Variants in C16orf95 observed in about 807,000 individuals in gnomAD.
C16orf95 encodes uncharacterized protein C16orf95.
C16orf95 carries 41 observed loss-of-function variants against 32.1 expected under a neutral mutation model. The observed-to-expected ratio is 1.28, with a 90% confidence interval of 1.00 to 1.66. C16orf95 has a LOEUF of 1.66. Ranked by LOEUF, C16orf95 falls within the 40% of genes most tolerant of loss-of-function variation. The pLI is 0.00. For synonymous variants in C16orf95, 147 were observed against 128.9 expected, an observed-to-expected ratio of 1.14 and a Z score of -0.95; for missense variants, 399 against 325.9, an observed-to-expected ratio of 1.22 and a Z score of -1.73.
chr16:87,317,358 G>GC lies in C16orf95; in HGVS notation c.-117dup. 7.1e-7 allele frequency: 1 copy of GC among 1,414,206 alleles called. No individual in the cohort carries two copies. Among genetic ancestry groups the GC allele is most frequent in the East Asian group, 2.7e-5 (1 of 36,626 alleles). 87.6% of individuals were successfully genotyped at this position (1,414,206 alleles called of 1,614,324 possible). ...GGAACCCAACCCGAGCTCAACCCCA[G>GC]CCCCAACCTCAACCGCTCAGAGGAG... On this transcript the variant is annotated 5_prime_UTR_variant, in exon 1 of 7. Transcript: ENST00000567970.
chr16:87,310,246 C>T lies in C16orf95; in HGVS notation c.514+51G>A. ...CCCACCATCATGATGCTCACGAACC[C>T]CACCTTTCTGGGGAGGGGGATGATA... On this transcript the variant is annotated intron_variant, in intron 5 of 6. Transcript: ENST00000567970. 6 of 1,528,356 alleles carry T rather than the reference C, an allele frequency of 3.9e-6. No homozygotes were observed. The South Asian group carries it at 7.2e-5, about 18-fold the overall frequency. 94.7% of individuals were successfully genotyped at this position (1,528,356 alleles called of 1,614,324 possible).
chr16:87,304,866 G>GA (rs1172969029), intron 6 of C16orf95, among the ~76,000 whole-genome samples: 1 of 152,260 alleles, frequency 6.6e-6, no homozygotes, highest in African/African-American at 2.4e-5. Flanking sequence ...GCTACCTGCA[G>GA]ACGCTGCACA....
chr16:87,305,141 G>A lies in C16orf95; in HGVS notation c.701+578C>T, dbSNP rs1910954954. Reference sequence around the variant, plus strand: ...TCCCCGAAGCCCAGCTGTGGCCCGGGGAGTGGCCCCGGAGGCTTCCTGGGG... The same window carrying A: ...TCCCCGAAGCCCAGCTGTGGCCCGGAGAGTGGCCCCGGAGGCTTCCTGGGG... On this transcript the variant is annotated intron_variant, in intron 6 of 6. Transcript: ENST00000567970. This position sits in a 1 kb window ranked among gnomAD's most constrained non-coding sequence, Gnocchi z 4.2. Among the ~76,000 whole-genome samples the A allele has an allele frequency of 6.6e-6, 1 of 152,212 alleles. No homozygotes were observed. The highest frequency in any genetic ancestry group is 6.5e-5 in the Admixed American group (1 of 15,284).
chr16:87,305,582 CA>C lies in C16orf95; in HGVS notation c.701+136del. 4.3e-6 allele frequency: 3 copies of C among 692,148 alleles called. No homozygotes were observed. The highest frequency in any genetic ancestry group is 6.7e-6 in the Non-Finnish European group (3 of 445,614). 42.9% of individuals were successfully genotyped at this position (692,148 alleles called of 1,614,324 possible). On this transcript the variant is annotated intron_variant, in intron 6 of 6. Transcript: ENST00000567970. The surrounding 1 kb of genome is among the most constrained non-coding windows in gnomAD (Gnocchi z 4.2). Reference sequence around the variant, plus strand: ...TGCAGAGCACCACAGGACACACTCACAGTGCCGGGCCTTGGACGCCTGTCAA... The same window carrying C: ...TGCAGAGCACCACAGGACACACTCACGTGCCGGGCCTTGGACGCCTGTCAA...
chr16:87,305,792 G>C lies in C16orf95; in HGVS notation c.628C>G (p.Pro210Ala), dbSNP rs754605369. The C allele has an allele frequency of 3.3e-6, 5 of 1,517,966 alleles. No homozygotes were observed. In the South Asian group the frequency reaches 6.0e-5, roughly 18 times the overall value. 94.0% of individuals were successfully genotyped at this position (1,517,966 alleles called of 1,614,324 possible). A position where few individuals can be genotyped will look rare whatever the true frequency, so the allele number is the denominator to read the frequency against. ...QAPYQDQLPAPAARLLPLGLL... is the reference protein window; with the variant it reads ...QAPYQDQLPAAAARLLPLGLL... The stretch of plus-strand genomic sequence containing the variant: ...CCGAGGGGCAGCAGACGCGCTGCAG[G>C]AGCCGGTAGCTGGTCCTGGTAGGGG... The change falls in exon 6 of 7, where the codon CCT becomes GCT. Residue 210 changes from proline to alanine, a missense_variant. Coordinates refer to ENST00000567970, the MANE Select transcript of C16orf95 (RefSeq NM_001195124.3). The surrounding 1 kb of genome is among the most constrained non-coding windows in gnomAD (Gnocchi z 4.2).
intron 5 of C16orf95, among the ~76,000 whole-genome samples, chr16:87,309,112 C>G (rs1911157357): frequency 6.6e-6 from 1 of 152,170 alleles, no homozygotes; most frequent in Non-Finnish European, 1.5e-5. Flanking sequence ...CATAAAGCAT[C>G]AGTGAGTTTA....
At chr16:87,313,650 C>T (rs1249993706) in intron 3 of C16orf95, among the ~76,000 whole-genome samples, 2 of 151,976 alleles carry the variant, frequency 1.3e-5, no homozygotes, top group African/African-American at 4.8e-5. Context: ...GGGAGGATTG[C>T]TTGAGCTAGG....
chr16:87,315,914 G>T, intron 1 of C16orf95, 91 bp from the exon 2 acceptor site: 1 of 895,708 alleles, frequency 1.1e-6, no homozygotes, highest in Non-Finnish European at 1.6e-6. Flanking sequence ...TCTCAGAACT[G>T]ACTCTTAATA....
intron 1 of C16orf95, among the ~76,000 whole-genome samples, 170 bp downstream of exon 1, chr16:87,316,921 T>G (rs1043147594): frequency 6.6e-6 from 1 of 152,142 alleles, no homozygotes; most frequent in East Asian, 1.9e-4. Flanking sequence ...CTTCTGACAT[T>G]TTCAGTTATG....
At chr16:87,311,044 GGAGCA>G in intron 4 of C16orf95, 101 bp downstream of exon 4, 1 of 1,128,628 alleles carries the variant, frequency 8.9e-7, no homozygotes, top group Non-Finnish European at 1.2e-6. Context: ...GGCCTTTGTG[GGAGCA>G]GAGCCCAGGT....
At chr16:87,303,279 C>T in intron 6 of C16orf95, 1 of 576,692 alleles carries the variant, frequency 1.7e-6, no homozygotes, top group Non-Finnish European at 3.1e-6. Context: ...AGCCGCAGGA[C>T]TGGGGTGAGG....
At chr16:87,306,393 G>C (rs976363937) in intron 5 of C16orf95, among the ~76,000 whole-genome samples, 1 of 152,010 alleles carries the variant, frequency 6.6e-6, no homozygotes, top group African/African-American at 2.4e-5. Context: ...GATGCTCTTC[G>C]GCACTTTCTA....
In C16orf95 at chr16:87,311,302, A is replaced by C; in HGVS notation, c.331-6T>G. ...AATTGAACCGTCTTTTGACTCTAAC[A>C]GAGAGGATGGGAGGAGAAGATTCAG... On this transcript the variant is annotated splice_polypyrimidine_tract_variant and splice_region_variant and intron_variant, in intron 3 of 6. Transcript: ENST00000567970. The C allele has an allele frequency of 6.6e-7, 1 of 1,525,102 alleles. No homozygotes were observed. The highest frequency in any genetic ancestry group is 8.8e-7 in the Non-Finnish European group (1 of 1,138,636). The allele number at this position is 1,525,102 out of a possible 1,614,324, so 94.5% of individuals were successfully genotyped here. A position where few individuals can be genotyped will look rare whatever the true frequency, so the allele number is the denominator to read the frequency against.
intron 3 of C16orf95, among the ~76,000 whole-genome samples, chr16:87,313,141 T>C (rs990877350): frequency 1.3e-5 from 2 of 150,262 alleles, no homozygotes; most frequent in Non-Finnish European, 3.0e-5. Context: ...AAAATTCCAG[T>C]AGGGTACTTT....
At chr16:87,309,372 C>CTTTTT (rs10551847) in intron 5 of C16orf95, among the ~76,000 whole-genome samples, 4,670 of 86,134 alleles carry the variant, frequency 0.054, 193 homozygotes, top group Non-Finnish European at 0.059. Flanking sequence ...TCTTTCTTTT[C>CTTTTT]TTTTTTTTTT....
chr16:87,303,039 T>A lies in C16orf95; in HGVS notation c.*18A>T. 1 of 1,536,016 alleles carries A rather than the reference T, an allele frequency of 6.5e-7. No individual in the cohort carries two copies. The highest frequency in any genetic ancestry group is 8.7e-7 in the Non-Finnish European group (1 of 1,146,796). ...ACATTTTTGTGGCTGTTCTTGACAG[T>A]AGCTGAAGATTCCAACTTCAAACCC... On this transcript the variant is annotated 3_prime_UTR_variant, in exon 7 of 7. Coordinates refer to ENST00000567970, the MANE Select transcript of C16orf95 (RefSeq NM_001195124.3).
rs1209078373 is a variant in C16orf95, at chr16:87,305,075, C to T, written c.701+644G>A. Among the ~76,000 whole-genome samples the T allele has an allele frequency of 6.6e-6, 1 of 152,142 alleles. No individual in the cohort carries two copies. The highest frequency in any genetic ancestry group is 6.5e-5 in the Admixed American group (1 of 15,280). On this transcript the variant is annotated intron_variant, in intron 6 of 6. Coordinates refer to ENST00000567970, the MANE Select transcript of C16orf95 (RefSeq NM_001195124.3). The surrounding 1 kb of genome is among the most constrained non-coding windows in gnomAD (Gnocchi z 4.2). ...GGAGAGAGGCTTTGCAGAGGAGCCA[C>T]CGCCTAGGCCGAGAGTAAAGGAGTA... is the stretch of plus-strand genomic sequence containing the variant.
intron 6 of C16orf95, chr16:87,303,282 G>C (rs1213459521): frequency 5.3e-6 from 3 of 567,172 alleles, no homozygotes; most frequent in Admixed American, 3.0e-5. Context: ...CGCAGGACTG[G>C]GGTGAGGCAT....
At chr16:87,312,408 A>G (rs1220176261) in intron 3 of C16orf95, among the ~76,000 whole-genome samples, 1 of 152,078 alleles carries the variant, frequency 6.6e-6, no homozygotes, top group Non-Finnish European at 1.5e-5. Flanking sequence ...ATCTCTACTA[A>G]AAATACAAAA....
Sources: gnomAD v4.1 joint callset for allele counts (sites outside exome capture counted in the v4.1 genomes callset) on GRCh38, gnomAD v4.1.1 for gene constraint, Gnocchi (gnomAD v3.1) non-coding constraint, MANE v1.5 for transcripts, NCBI Gene and HGNC (gene_info 2026-07-23, HGNC 2026-07-21) for gene names.